NCAPH2: variants seen among roughly 807,000 people sequenced by gnomAD.
NCAPH2 encodes non-SMC condensin II complex subunit H2, also known as condensin-2 complex subunit H2.
A neutral mutation model predicts 88.6 loss-of-function variants in NCAPH2; 56 were observed. The ratio of observed to expected loss-of-function variants is 0.63; its 90% CI spans 0.51 to 0.79. The LOEUF (loss-of-function observed/expected upper bound fraction) is 0.79, where lower values mean the gene tolerates loss of function less well. Among genes scored for constraint, NCAPH2 ranks in the 30% least tolerant of loss-of-function variants. The probability of loss-of-function intolerance (pLI) is 0.00; values close to 1 mark genes in which losing one functional copy is unlikely to be tolerated. For synonymous variants in NCAPH2, 378 were observed against 313.6 expected (o/e 1.21, Z -2.17); for missense variants, 794 against 792.0 (o/e 1.00, Z -0.03).
chr22:50,521,728 T>C lies in NCAPH2; in HGVS notation c.1001-13T>C, dbSNP rs763466699. The C allele has an allele frequency of 1.2e-6, 2 of 1,613,762 alleles. No homozygotes were observed. The highest frequency in any genetic ancestry group is 1.1e-5 in the South Asian group (1 of 91,090). On this transcript the variant is annotated splice_polypyrimidine_tract_variant and intron_variant, in intron 11 of 19. Transcript: ENST00000420993. ...CCCCCAGCGGCTCTAAGACAGTCCC[T>C]GTTTGCCCCCAGGTAGGCCTTACTC...
At chr22:50,509,182 A>G (rs6010121) in intron 1 of NCAPH2, among the ~76,000 whole-genome samples, 20,332 of 152,094 alleles carry the variant, frequency 0.13, 3,392 homozygotes, top group African/African-American at 0.39. Context: ...GATGGGGCCT[A>G]GGTCATCTTC....
rs1467420586 is a variant in NCAPH2 at position 50,518,014 on chromosome 22, C to T, written c.462C>T (p.Ala154=). The T allele has an allele frequency of 6.2e-6, 10 of 1,613,916 alleles. No homozygotes were observed. Among genetic ancestry groups the T allele is most frequent in the African/African-American group, 2.7e-5 (2 of 74,922 alleles). Reference sequence around the variant, plus strand: ...CCCTCCTGCCCATGGCCCTGGTGGCCCCTGATGAAATGGAGAAGAACAACA... The same window carrying T: ...CCCTCCTGCCCATGGCCCTGGTGGCTCCTGATGAAATGGAGAAGAACAACA... ...IIPLLPMALV[A]PDEMEKNNNP... Residue 154 remains alanine, a synonymous_variant, in exon 6 of 20, where the codon GCC becomes GCT. Coordinates refer to ENST00000420993, the MANE Select transcript of NCAPH2 (RefSeq NM_152299.4).
intron 1 of NCAPH2, 56 bp downstream of exon 1, chr22:50,508,501 G>A: frequency 2.1e-6 from 2 of 945,106 alleles, no homozygotes; most frequent in Non-Finnish European, 2.9e-6. Context: ...CTGCGGGGCG[G>A]GGGCTCCGGG....
chr22:50,509,573 C>T (rs1304279656), intron 1 of NCAPH2, among the ~76,000 whole-genome samples: 2 of 152,304 alleles, frequency 1.3e-5, no homozygotes, highest in South Asian at 4.1e-4. Flanking sequence ...TCTAGGCCAC[C>T]ATTGTCTCTG....
At chr22:50,508,531 C>A in intron 1 of NCAPH2, 86 bp downstream of exon 1, 1 of 880,218 alleles carries the variant, frequency 1.1e-6, no homozygotes, top group Non-Finnish European at 1.6e-6. Context: ...GTGGGCGCCC[C>A]ACCGTCTCCA....
Position 50,523,025 on chromosome 22 carries a change from T to C in NCAPH2, c.1536T>C (p.His512=), listed in dbSNP as rs2069162244. 3 of 1,601,582 alleles carry C rather than the reference T, an allele frequency of 1.9e-6. No individual in the cohort carries two copies. Among genetic ancestry groups the C allele is most frequent in the Non-Finnish European group, 1.7e-6 (2 of 1,171,892 alleles). ...VQPLLQEQEQ[H]VPFDIHTYGD... ...GCCCCTCCCCTGTGCAGGAGCAGCA[T>C]GTGCCCTTTGACATCCACACCTATG... is the stretch of plus-strand genomic sequence containing the variant. Residue 512 remains histidine (H), a synonymous_variant, in exon 19 of 20, where the codon CAT becomes CAC. Coordinates refer to ENST00000420993, the MANE Select transcript of NCAPH2 (RefSeq NM_152299.4).
rs2069199800 is a variant in NCAPH2 at position 50,523,866 on chromosome 22, C to G, written c.*491C>G. 6.2e-7 allele frequency: 1 copy of G among 1,614,004 alleles called. No individual in the cohort carries two copies. The highest frequency in any genetic ancestry group is 1.1e-5 in the South Asian group (1 of 91,088). ...GACCCAACAGTCTTGGGTGGAAGTC[C>G]TGGACGTAGCGGGCCATGGCTTCAA... On this transcript the variant is annotated 3_prime_UTR_variant, in exon 20 of 20. Transcript: ENST00000420993.
In NCAPH2 at chr22:50,524,195, C is replaced by T. The variant is rs1309015623; in HGVS notation, c.*820C>T. ...TCAGCCCTCAGGGCCAGCCAGGCCC[C>T]ACCGAGTCCAGCCCCGAACAGGCCT... On this transcript the variant is annotated 3_prime_UTR_variant, in exon 20 of 20. Coordinates refer to ENST00000420993, the MANE Select transcript of NCAPH2 (RefSeq NM_152299.4). 3 of 1,608,774 alleles carry T rather than the reference C, an allele frequency of 1.9e-6. No homozygotes were observed. Among genetic ancestry groups the T allele is most frequent in the Non-Finnish European group, 2.5e-6 (3 of 1,179,956 alleles).
At position 50,523,764 on chromosome 22, in the gene NCAPH2, C is replaced by T. The variant is rs1265254142; in HGVS notation, c.*389C>T. On this transcript the variant is annotated 3_prime_UTR_variant, in exon 20 of 20. Transcript: ENST00000420993. Reference sequence around the variant, plus strand: ...AGTGGTCCACGATGTAGTCCTGGTCCTCATCCTTGGGGCCTGCATTGTAGT... The same window carrying T: ...AGTGGTCCACGATGTAGTCCTGGTCTTCATCCTTGGGGCCTGCATTGTAGT... 1.2e-6 allele frequency: 2 copies of T among 1,614,064 alleles called. No individual in the cohort carries two copies. The highest frequency in any genetic ancestry group is 1.7e-6 in the Non-Finnish European group (2 of 1,180,034).
chr22:50,522,903 A>T lies in NCAPH2; in HGVS notation c.1508A>T (p.Gln503Leu). ...QRIRDWEDTV[Q>L]PLLQEQEQHV... ...ATCAGGGACTGGGAGGACACAGTGC[A>T]GCCTCTGCTCCAGGAGCAGGTGAGG... Residue 503 changes from glutamine (Q) to leucine (L), a missense_variant, in exon 18 of 20, where the codon CAG becomes CTG. Physicochemically the swap from Gln to Leu is moderately radical, Grantham distance 113. This residue lies in a region of NCAPH2 where 735 missense variants were observed against 696.3 expected (regional missense o/e 1.06). Transcript: ENST00000420993. 6.2e-7 allele frequency: 1 copy of T among 1,613,322 alleles called. No homozygotes were observed. The highest frequency in any genetic ancestry group is 8.5e-7 in the Non-Finnish European group (1 of 1,179,992).
chr22:50,524,064 C>T lies in NCAPH2; in HGVS notation c.*689C>T. The stretch of plus-strand genomic sequence containing the variant: ...GCACCCACTGGCCCCGGAAGTCAGC[C>T]TTGCAGCGAGCCCGGCCTCTGTGAT... On this transcript the variant is annotated 3_prime_UTR_variant, in exon 20 of 20. Coordinates refer to ENST00000420993, the MANE Select transcript of NCAPH2 (RefSeq NM_152299.4). 6.2e-7 allele frequency: 1 copy of T among 1,613,356 alleles called. No homozygotes were observed. Among genetic ancestry groups the T allele is most frequent in the Non-Finnish European group, 8.5e-7 (1 of 1,180,022 alleles).
At chr22:50,518,377 A>G in intron 7 of NCAPH2, 99 bp downstream of exon 7, 1 of 1,506,194 alleles carries the variant, frequency 6.6e-7, no homozygotes. Flanking sequence ...TGGTCTTGGG[A>G]GCTCCCTGTC....
At chr22:50,520,074 G>A (rs568705539) in intron 9 of NCAPH2, among the ~76,000 whole-genome samples, 1 of 152,078 alleles carries the variant, frequency 6.6e-6, no homozygotes, top group East Asian at 1.9e-4. Context: ...GTTTCACCAT[G>A]TTGGCCAGGA....
intron 5 of NCAPH2, 74 bp downstream of exon 5, chr22:50,517,883 G>A: frequency 6.2e-7 from 1 of 1,602,120 alleles, no homozygotes; most frequent in Admixed American, 1.7e-5. Flanking sequence ...GAGCTGATGG[G>A]GTGTGGGAAG....
chr22:50,524,268 C>T lies in NCAPH2; in HGVS notation c.*893C>T, dbSNP rs763296606. On this transcript the variant is annotated 3_prime_UTR_variant, in exon 20 of 20. Transcript: ENST00000420993. ...GCCCAGGGCCCTGGGGCTGGCCCTGCCCACCTGTCTCTGCAGGGCCCTGCC... is the reference window on the plus strand; with the variant it reads ...GCCCAGGGCCCTGGGGCTGGCCCTGTCCACCTGTCTCTGCAGGGCCCTGCC... The T allele has an allele frequency of 2.5e-6, 4 of 1,604,364 alleles. No individual in the cohort carries two copies. The highest frequency in any genetic ancestry group is 3.4e-6 in the Non-Finnish European group (4 of 1,179,810).
chr22:50,508,430 C>T lies in NCAPH2; in HGVS notation c.93C>T (p.Gly31=). 3.1e-6 allele frequency: 4 copies of T among 1,305,862 alleles called. No individual in the cohort carries two copies. Among genetic ancestry groups the T allele is most frequent in the East Asian group, 8.6e-5 (2 of 23,340 alleles). 80.9% of individuals were successfully genotyped at this position (1,305,862 alleles called of 1,614,324 possible). ...NWEVDVAAQL[G]EYLEELDQIC... ...AGGTGGACGTGGCGGCCCAGCTGGGCGAGTATCTGGAGGAGGTAAGGGCGG... is the reference window on the plus strand; with the variant it reads ...AGGTGGACGTGGCGGCCCAGCTGGGTGAGTATCTGGAGGAGGTAAGGGCGG... Residue 31 remains glycine, a synonymous_variant, in exon 1 of 20, where the codon GGC becomes GGT. Transcript: ENST00000420993.
intron 1 of NCAPH2, among the ~76,000 whole-genome samples, chr22:50,512,867 A>G (rs966478373): frequency 3.3e-5 from 5 of 152,156 alleles, no homozygotes; most frequent in Non-Finnish European, 7.3e-5. Flanking sequence ...TAGTACTGTC[A>G]TGATCCTACT....
chr22:50,510,532 A>T (rs1357751739), intron 1 of NCAPH2, among the ~76,000 whole-genome samples: 1 of 152,056 alleles, frequency 6.6e-6, no homozygotes, highest in Non-Finnish European at 1.5e-5. Context: ...GGTTCAAGCA[A>T]TTCTCCTGCC....
At position 50,518,654 on chromosome 22, in the gene NCAPH2, G is replaced by A. The variant is rs369545189; in HGVS notation, c.652G>A (p.Gly218Arg). Residue 218 changes from glycine to arginine, a missense_variant, in exon 8 of 20, where the codon GGG (glycine) becomes AGG (arginine). Transcript: ENST00000420993. ...CTGATCCCTGTCTCTCCCAGACACCGGGAGGACTGAGGAGCAGCCAATGGA... is the reference window on the plus strand; with the variant it reads ...CTGATCCCTGTCTCTCCCAGACACCAGGAGGACTGAGGAGCAGCCAATGGA... ...SPMPGTQKDT[G>R]RTEEQPMEVS... 88 of 1,606,718 alleles carry A rather than the reference G, an allele frequency of 5.5e-5. No homozygotes were observed. Among genetic ancestry groups the A allele is most frequent in the Middle Eastern group, 1.9e-4 (1 of 5,206 alleles).
Sources: gnomAD v4.1 joint callset for allele counts (sites outside exome capture counted in the v4.1 genomes callset) on GRCh38, gnomAD v4.1.1 for gene constraint, gnomAD v4.1.1 regional missense constraint, MANE v1.5 for transcripts, NCBI Gene and HGNC (gene_info 2026-07-23, HGNC 2026-07-21) for gene names.